The following THAP5 variants were observed in gnomAD, a reference collection of about 807,000 sequenced individuals.
THAP5 encodes the protein THAP domain containing 5.
A neutral mutation model predicts 34.0 loss-of-function variants in THAP5; 26 were observed. That is an observed-to-expected ratio of 0.77 (90% CI 0.56 to 1.06). The LOEUF (loss-of-function observed/expected upper bound fraction) is 1.06. Ranked by LOEUF, THAP5 falls within the 50% of genes least tolerant of loss-of-function variation. THAP5 has a pLI of 0.00. For synonymous variants in THAP5, 125 were observed against 153.0 expected, an observed-to-expected ratio of 0.82 and a Z score of 1.35; for missense variants, 394 against 452.8, an observed-to-expected ratio of 0.87 and a Z score of 1.18.
intron 1 of THAP5, 85 bp from the exon 2 acceptor site, chr7:108,566,107 G>A: frequency 8.7e-7 from 1 of 1,145,594 alleles, no homozygotes. Context: ...TATATATCTG[G>A]GTAACCTATG....
At chr7:108,569,754 G>C, upstream of THAP5, 1 of 745,574 alleles carries the variant, frequency 1.3e-6, no homozygotes, top group Non-Finnish European at 2.1e-6. Flanking sequence ...CTTTTCGGGG[G>C]TTGAAGCCGG....
At chr7:108,560,174 CCA>C (rs1195954676), downstream of THAP5, among the ~76,000 whole-genome samples, 1 of 152,134 alleles carries the variant, frequency 6.6e-6, no homozygotes, top group Non-Finnish European at 1.5e-5. Flanking sequence ...GCTTAGTAGG[CCA>C]CTTCTTTAGT....
chr7:108,548,031 T>TC, the THAP5 span, among the ~76,000 whole-genome samples: 1 of 152,166 alleles, frequency 6.6e-6, no homozygotes, highest in Non-Finnish European at 1.5e-5. Context: ...CATGGTCCAG[T>TC]CCCCAACCCT....
At chr7:108,565,286 G>C (rs886376353) in intron 2 of THAP5, 181 bp from the exon 3 acceptor site, 6 of 471,704 alleles carry the variant, frequency 1.3e-5, no homozygotes, top group East Asian at 3.3e-5. Context: ...TTCAATATAC[G>C]GCAGAAACAT....
downstream of THAP5, among the ~76,000 whole-genome samples, chr7:108,561,070 G>A (rs542896417): frequency 6.6e-6 from 1 of 152,206 alleles, no homozygotes; most frequent in Admixed American, 6.5e-5. Flanking sequence ...CCGAGACCCT[G>A]GTTTGAGCCT....
downstream of THAP5, among the ~76,000 whole-genome samples, chr7:108,551,902 C>T (rs985994140): frequency 1.3e-5 from 2 of 152,136 alleles, no homozygotes; most frequent in Non-Finnish European, 2.9e-5. Flanking sequence ...TAGCTGGACC[C>T]AGTTGGAGTC....
chr7:108,551,483 T>G (rs1424336458), downstream of THAP5, among the ~76,000 whole-genome samples: 4 of 152,248 alleles, frequency 2.6e-5, no homozygotes, highest in East Asian at 7.7e-4. Flanking sequence ...GGCGCCTTAA[T>G]TTTGGACTTT....
rs765239439 is a variant in THAP5, at chr7:108,564,574, CTTTA to C, written c.801_804del (p.Asn267LysfsTer44). Reference sequence around the variant, plus strand: ...GGTACAAAAATGGCAATAACAGATTCTTTATTTGTGTTTAATTCTTCAACTGTTT... The same window carrying C: ...GGTACAAAAATGGCAATAACAGATTCTTTGTGTTTAATTCTTCAACTGTTT... On this transcript the variant is annotated frameshift_variant, in exon 3 of 3. Coordinates refer to ENST00000415914, the MANE Select transcript of THAP5 (RefSeq NM_001130475.3). LOFTEE classifies it high-confidence loss of function. 16 of 1,613,810 alleles carry C rather than the reference CTTTA, an allele frequency of 9.9e-6. No homozygotes were observed. In the East Asian group the frequency reaches 1.1e-4, roughly 11 times the overall value.
At chr7:108,541,894 T>C in the THAP5 span, among the ~76,000 whole-genome samples, 1 of 152,232 alleles carries the variant, frequency 6.6e-6, no homozygotes, top group African/African-American at 2.4e-5. Flanking sequence ...GTTTACCAGC[T>C]AAAACTTTAC....
rs1279242299 is a variant in THAP5, at chr7:108,569,656, C to T, written c.-87G>A. Reference sequence around the variant, plus strand: ...GAGGATGCGCCACAGGTCCAGGCCTCTCGAGCCCCTGCGCCTGCGCTAGCA... The same window carrying T: ...GAGGATGCGCCACAGGTCCAGGCCTTTCGAGCCCCTGCGCCTGCGCTAGCA... On this transcript the variant is annotated 5_prime_UTR_variant, in exon 1 of 3. Transcript: ENST00000415914. 33 of 1,493,988 alleles carry T rather than the reference C, an allele frequency of 2.2e-5. No homozygotes were observed. The South Asian group carries it at 3.6e-4, about 16-fold the overall frequency. 92.5% of individuals were successfully genotyped at this position (1,493,988 alleles called of 1,614,324 possible). A position where few individuals can be genotyped will look rare whatever the true frequency, so the allele number is the denominator to read the frequency against.
chr7:108,567,382 G>A (rs1790507624), intron 1 of THAP5, among the ~76,000 whole-genome samples: 1 of 151,844 alleles, frequency 6.6e-6, no homozygotes, highest in South Asian at 2.1e-4. Flanking sequence ...ATGAGAATAG[G>A]CCTTTTACAA....
In THAP5 at chr7:108,562,960, T is replaced by G. The variant is rs1790389426; in HGVS notation, c.*1231A>C. The G allele has an allele frequency of 6.6e-6, 1 of 152,214 alleles. No individual in the cohort carries two copies. Among genetic ancestry groups the G allele is most frequent in the Admixed American group, 6.5e-5 (1 of 15,280 alleles). The allele number at this position is 152,214 out of a possible 1,614,324, so 9.4% of individuals were successfully genotyped here. ...AGTATTAAGTATTACTCTATTATTCTGGAATTTAACAATGAATAAGCACAT... is the reference window on the plus strand; with the variant it reads ...AGTATTAAGTATTACTCTATTATTCGGGAATTTAACAATGAATAAGCACAT... On this transcript the variant is annotated 3_prime_UTR_variant, in exon 3 of 3. Coordinates refer to ENST00000415914, the MANE Select transcript of THAP5 (RefSeq NM_001130475.3).
the THAP5 span, among the ~76,000 whole-genome samples, chr7:108,547,397 A>C: frequency 1.3e-5 from 2 of 152,216 alleles, no homozygotes; most frequent in African/African-American, 4.8e-5. Flanking sequence ...TTATTAATGG[A>C]AAACATGAAC....
downstream of THAP5, among the ~76,000 whole-genome samples, chr7:108,559,346 A>T (rs1864410334): frequency 6.6e-6 from 1 of 152,224 alleles, no homozygotes; most frequent in South Asian, 2.1e-4. Flanking sequence ...GTTTTCTCTT[A>T]TTAGACGAAG....
At chr7:108,566,084 C>A in intron 1 of THAP5, 62 bp from the exon 2 acceptor site, 1 of 1,385,318 alleles carries the variant, frequency 7.2e-7, no homozygotes, top group South Asian at 1.5e-5. Flanking sequence ...ACAATTTTGC[C>A]AAATTCCCAC....
At chr7:108,545,380 C>T in the THAP5 span, among the ~76,000 whole-genome samples, 40 of 152,304 alleles carry the variant, frequency 2.6e-4, no homozygotes, top group Non-Finnish European at 4.4e-4. Flanking sequence ...GCAAAACATT[C>T]CACAGCATTA....
At chr7:108,542,205 A>G in the THAP5 span, among the ~76,000 whole-genome samples, 7 of 152,110 alleles carry the variant, frequency 4.6e-5, no homozygotes, top group Middle Eastern at 3.2e-3. Context: ...GATATATATT[A>G]TGTAGCATGG....
the THAP5 span, among the ~76,000 whole-genome samples, chr7:108,544,801 G>T: frequency 6.6e-6 from 1 of 151,950 alleles, no homozygotes; most frequent in Non-Finnish European, 1.5e-5. Context: ...GGGGCTACAG[G>T]GGCACATCAC....
chr7:108,569,687 C>T lies in THAP5; in HGVS notation c.-118G>A. ...CCCCTGCGCCTGCGCTAGCATTCTGCCGGGAAAGCCGCCTCGTCTGTCGAC... is the reference window on the plus strand; with the variant it reads ...CCCCTGCGCCTGCGCTAGCATTCTGTCGGGAAAGCCGCCTCGTCTGTCGAC... On this transcript the variant is annotated 5_prime_UTR_variant, in exon 1 of 3. Transcript: ENST00000415914. 7.5e-7 allele frequency: 1 copy of T among 1,334,512 alleles called. No individual in the cohort carries two copies. Among genetic ancestry groups the T allele is most frequent in the Non-Finnish European group, 1.0e-6 (1 of 974,858 alleles). The allele number at this position is 1,334,512 out of a possible 1,614,324, so 82.7% of individuals were successfully genotyped here.
Sources: allele counts gnomAD v4.1 joint callset (sites outside exome capture counted in the v4.1 genomes callset), GRCh38; gene constraint gnomAD v4.1.1; transcripts MANE v1.5; gene names NCBI Gene and HGNC (gene_info 2026-07-23, HGNC 2026-07-21).